The following CCP110 variants were observed in gnomAD, a reference collection of about 807,000 sequenced individuals.
The protein encoded by CCP110 is centriolar coiled-coil protein of 110 kDa.
A neutral mutation model predicts 105.5 loss-of-function variants in CCP110; 43 were observed. That is an observed-to-expected ratio of 0.41 (90% CI 0.32 to 0.53). The LOEUF is 0.53. Among genes scored for constraint, CCP110 ranks in the 20% least tolerant of loss-of-function variants. CCP110 has a pLI of 0.32. For missense variants in CCP110, 1,016 were observed against 1,189.1 expected (o/e 0.85, Z 2.14); for synonymous variants, 353 against 392.1 (o/e 0.90, Z 1.18).
chr16:19,551,095 T>C, intron 14 of CCP110, 101 bp from the exon 14 acceptor site: 1 of 750,856 alleles, frequency 1.3e-6, no homozygotes, highest in Non-Finnish European at 2.4e-6. Context: ...ATAATGTATA[T>C]TGCCTAGCTC....
intron 3 of CCP110, 29 bp from the exon 4 acceptor site, chr16:19,535,911 A>C: frequency 7.1e-7 from 1 of 1,417,604 alleles, no homozygotes; most frequent in Non-Finnish European, 9.5e-7. Flanking sequence ...GCAATGAGGA[A>C]ATATTAATTT....
chr16:19,535,013 T>G (rs554287896), intron 3 of CCP110, among the ~76,000 whole-genome samples: 225 of 151,942 alleles, frequency 1.5e-3, no homozygotes, highest in South Asian at 8.3e-3. Context: ...CCTGAGTAGC[T>G]GGGACTACAG....
At chr16:19,537,703 TTATC>T (rs1970126595) in intron 4 of CCP110, 116 bp downstream of exon 4, 3 of 595,930 alleles carry the variant, frequency 5.0e-6, no homozygotes, top group Non-Finnish European at 8.8e-6. Context: ...TTAATTTTAT[TTATC>T]TTATTAGAAA....
Position 19,537,527 on chromosome 16 carries a change from AG to A in CCP110, c.1859del (p.Arg620AsnfsTer15). Reference sequence around the variant, plus strand: ...AGAAAGGCAACATTTGCCAGAAAAAAGATACCCTAAGGGATCTGGCTTCGTT... The same window carrying A: ...AGAAAGGCAACATTTGCCAGAAAAAAATACCCTAAGGGATCTGGCTTCGTT... On this transcript the variant is annotated frameshift_variant, in exon 4 of 15. Coordinates refer to ENST00000381396, the Ensembl canonical transcript of CCP110. LOFTEE classifies it high-confidence loss of function. 2 of 1,604,886 alleles carry A rather than the reference AG, an allele frequency of 1.2e-6. No individual in the cohort carries two copies. Among genetic ancestry groups the A allele is most frequent in the Non-Finnish European group, 1.7e-6 (2 of 1,177,512 alleles).
At chr16:19,533,747 G>C (rs888790597) in intron 3 of CCP110, among the ~76,000 whole-genome samples, 1 of 152,154 alleles carries the variant, frequency 6.6e-6, no homozygotes, top group African/African-American at 2.4e-5. Flanking sequence ...CAGAACTCTG[G>C]GTTGGTGTAA....
intron 1 of CCP110, among the ~76,000 whole-genome samples, chr16:19,527,365 T>TA (rs58097336): frequency 0.15 from 21,467 of 143,706 alleles, 1,659 homozygotes; most frequent in Admixed American, 0.2. Flanking sequence ...CTTGTCTCTT[T>TA]AAAAAAAAAA....
intron 4 of CCP110, among the ~76,000 whole-genome samples, chr16:19,539,017 C>T (rs1970183157): frequency 6.6e-6 from 1 of 151,388 alleles, no homozygotes; most frequent in Non-Finnish European, 1.5e-5. Context: ...GAGGCTGAGG[C>T]AGGAGAATTG....
At chr16:19,552,218 T>A (rs1343635355) in exon 15 of CCP110, 2 of 152,120 alleles carry the variant, frequency 1.3e-5, no homozygotes, top group African/African-American at 2.4e-5. Context: ...AGATTTTTCA[T>A]CACTAACATA....
exon 4 of CCP110, chr16:19,536,677 GTCTAAT>G (rs1431065869): frequency 1.2e-6 from 2 of 1,614,064 alleles, no homozygotes; most frequent in Non-Finnish European, 1.7e-6. Flanking sequence ...CTGTTCTAGA[GTCTAAT>G]TCTGATTTTA....
chr16:19,551,371 G>C lies in CCP110; in HGVS notation c.*123G>C, dbSNP rs1410587450. On this transcript the variant is annotated 3_prime_UTR_variant, in exon 15 of 15. Coordinates refer to ENST00000381396, the Ensembl canonical transcript of CCP110. ...AGACAAAGTGACATCAGAAGGCTGA[G>C]CACTTATCTGGATCATTTGGTCAGT... 8 of 813,660 alleles carry C rather than the reference G, an allele frequency of 9.8e-6. No homozygotes were observed. The Admixed American group carries it at 1.5e-4, about 15-fold the overall frequency. The allele number at this position is 813,660 out of a possible 1,614,324, so 50.4% of individuals were successfully genotyped here. A position where few individuals can be genotyped will look rare whatever the true frequency, so the allele number is the denominator to read the frequency against.
At chr16:19,546,663 A>C in intron 12 of CCP110, 189 bp downstream of exon 12, 1 of 412,332 alleles carries the variant, frequency 2.4e-6, no homozygotes, top group East Asian at 4.7e-5. Flanking sequence ...TAAAAATACA[A>C]AATTAGCTGG....
chr16:19,535,537 G>T (rs1005572516), intron 3 of CCP110, among the ~76,000 whole-genome samples: 3 of 152,076 alleles, frequency 2.0e-5, no homozygotes, highest in Non-Finnish European at 4.4e-5. Context: ...ATCCTTGGAT[G>T]ATAGCTATCC....
intron 5 of CCP110, among the ~76,000 whole-genome samples, chr16:19,541,137 A>G (rs1970262010): frequency 6.6e-6 from 1 of 152,104 alleles, no homozygotes; most frequent in African/African-American, 2.4e-5. Context: ...CTGTAGTCCC[A>G]GCTATGCAGG....
intron 8 of CCP110, among the ~76,000 whole-genome samples, chr16:19,543,385 C>A (rs368980173): frequency 1.1e-4 from 17 of 152,254 alleles, no homozygotes; most frequent in African/African-American, 4.1e-4. Context: ...ATCTCTTAAT[C>A]CTGTTATCTT....
exon 8 of CCP110, chr16:19,542,899 G>C (rs751120540): frequency 1.2e-6 from 2 of 1,611,790 alleles, no homozygotes; most frequent in African/African-American, 2.7e-5. Context: ...GGAAATACAA[G>C]CAAAATTTAA....
At chr16:19,540,770 C>G in exon 5 of CCP110, 1 of 1,613,362 alleles carries the variant, frequency 6.2e-7, no homozygotes, top group Non-Finnish European at 8.5e-7. Flanking sequence ...GGAAAGGGAA[C>G]AAGAAAGACT....
chr16:19,546,011 G>C, intron 11 of CCP110, 121 bp downstream of exon 11: 1 of 616,680 alleles, frequency 1.6e-6, no homozygotes. Flanking sequence ...TGAGCTGATA[G>C]AAATCCCCTT....
chr16:19,526,132 AC>A (rs1969664082), intron 1 of CCP110: 1 of 152,228 alleles, frequency 6.6e-6, no homozygotes, highest in African/African-American at 2.4e-5. Flanking sequence ...AAGATATAGG[AC>A]ATATATGTAC....
chr16:19,551,278 G>C, exon 15 of CCP110: 1 of 1,574,172 alleles, frequency 6.4e-7, no homozygotes, highest in Non-Finnish European at 8.7e-7. Context: ...ATAAAATGGG[G>C]GGAAGGATTA....
Sources: gnomAD v4.1 joint callset for allele counts (sites outside exome capture counted in the v4.1 genomes callset) on GRCh38, gnomAD v4.1.1 for gene constraint, MANE v1.5 for transcripts, NCBI Gene and HGNC (gene_info 2026-07-23, HGNC 2026-07-21) for gene names.